ESRRG: variants seen among roughly 807,000 people sequenced by gnomAD.
ESRRG encodes the protein estrogen-related receptor gamma.
Under a neutral mutation model 44.0 loss-of-function variants are expected in ESRRG, and 13 were observed. The ratio of observed to expected loss-of-function variants is 0.30; its 90% CI spans 0.19 to 0.47. The LOEUF (loss-of-function observed/expected upper bound fraction) is 0.47, where lower values mean the gene tolerates loss of function less well. ESRRG is among the 20% of genes least tolerant of loss of function. ESRRG has a pLI of 1.00. For synonymous variants in ESRRG, 215 were observed against 214.6 expected (o/e 1.00, Z -0.02); for missense variants, 395 against 580.6 (o/e 0.68, Z 3.29).
chr1:216,952,053 C>T (rs1279243588), intron 1 of ESRRG, among the ~76,000 whole-genome samples: 1 of 152,054 alleles, frequency 6.6e-6, no homozygotes, highest in African/African-American at 2.4e-5. Flanking sequence ...ATCAGTAGAA[C>T]AGCTAGAGTG....
intron 2 of ESRRG, among the ~76,000 whole-genome samples, chr1:216,890,941 G>A (rs558589530): frequency 1.2e-4 from 19 of 152,082 alleles, no homozygotes; most frequent in South Asian, 1.0e-3. Flanking sequence ...CTGAACCTTC[G>A]AGTAATAACT....
intron 1 of ESRRG, among the ~76,000 whole-genome samples, chr1:217,055,388 C>T (rs953797274): frequency 3.9e-5 from 6 of 152,116 alleles, no homozygotes; most frequent in Non-Finnish European, 7.4e-5. Flanking sequence ...ACCTTATATA[C>T]AGAAACAGTC....
intron 2 of ESRRG, among the ~76,000 whole-genome samples, chr1:216,742,227 C>T (rs888426649): frequency 6.6e-6 from 1 of 152,100 alleles, no homozygotes; most frequent in African/African-American, 2.4e-5. Context: ...TAAAGGACAT[C>T]CATTTGTAAT....
rs143295504 is a variant in ESRRG at position 216,799,897 on chromosome 1, T to C, written c.-13-122406A>G. Among the ~76,000 whole-genome samples, 230 of 152,306 alleles carry C rather than the reference T, an allele frequency of 1.5e-3. 2 individuals are homozygous for C. In the East Asian group the frequency reaches 0.039, roughly 26 times the overall value. On this transcript the variant is annotated intron_variant, in intron 2 of 7. Transcript: ENST00000359162. ...GTCAGTAATTTGGGATTATCACTTA[T>C]GTAGCCTTAGAACCATGTAATGTTC...
intron 3 of ESRRG, among the ~76,000 whole-genome samples, chr1:216,585,591 A>G (rs2063606560): frequency 6.6e-6 from 1 of 152,184 alleles, no homozygotes; most frequent in African/African-American, 2.4e-5. Context: ...ACTTATTTTA[A>G]ACAATGTCAA....
chr1:216,621,489 T>C (rs569616293), intron 3 of ESRRG, among the ~76,000 whole-genome samples: 137 of 152,320 alleles, frequency 9.0e-4, no homozygotes, highest in African/African-American at 3.2e-3. Context: ...GTGTTGGGTA[T>C]GTGATGGTAA....
chr1:217,010,855 A>G (rs1266240048), intron 1 of ESRRG, among the ~76,000 whole-genome samples: 1 of 152,160 alleles, frequency 6.6e-6, no homozygotes, highest in East Asian at 1.9e-4. Context: ...ACGTAGGAAA[A>G]TTAAGAGGAT....
At chr1:217,095,720 G>A (rs998164014) in intron 1 of ESRRG, among the ~76,000 whole-genome samples, 1 of 152,222 alleles carries the variant, frequency 6.6e-6, no homozygotes, top group African/African-American at 2.4e-5. Flanking sequence ...AGATTCCACA[G>A]GTCTTGGGAA....
chr1:216,793,580 C>A (rs998697640), intron 2 of ESRRG, among the ~76,000 whole-genome samples: 4 of 152,184 alleles, frequency 2.6e-5, no homozygotes, highest in Non-Finnish European at 2.9e-5. Flanking sequence ...CCCTGCCCAA[C>A]ACCTTGAGTG....
intron 1 of ESRRG, among the ~76,000 whole-genome samples, chr1:217,133,651 CTT>C (rs2093003342): frequency 1.6e-5 from 1 of 61,212 alleles, no homozygotes; most frequent in Non-Finnish European, 3.3e-5. Context: ...CTCTCTCTTT[CTT>C]TCTTTCTTTC....
chr1:216,705,031 G>T (rs1242747704), intron 1 of ESRRG, among the ~76,000 whole-genome samples: 1 of 152,090 alleles, frequency 6.6e-6, no homozygotes, highest in African/African-American at 2.4e-5. Context: ...AAAATAGTAT[G>T]TTTAAACTTT....
chr1:216,515,639 T>C (rs886923572), intron 6 of ESRRG, among the ~76,000 whole-genome samples: 13 of 152,132 alleles, frequency 8.5e-5, no homozygotes, highest in Non-Finnish European at 1.3e-4. Flanking sequence ...CTGGAAATAA[T>C]GTGTAGAAGT....
chr1:216,616,118 T>C (rs79473277), intron 3 of ESRRG, among the ~76,000 whole-genome samples: 5,196 of 152,216 alleles, frequency 0.034, 310 homozygotes, highest in African/African-American at 0.12. Context: ...CCCAATGTGT[T>C]GGGATTATAC....
chr1:216,766,082 C>G (rs967187895), intron 2 of ESRRG, among the ~76,000 whole-genome samples: 1 of 152,054 alleles, frequency 6.6e-6, no homozygotes, highest in Admixed American at 6.6e-5. Context: ...GTGAACCTGT[C>G]GGGTTTTGAT....
intron 1 of ESRRG, among the ~76,000 whole-genome samples, chr1:217,051,878 T>C (rs2086114145): frequency 6.6e-6 from 1 of 152,088 alleles, no homozygotes; most frequent in South Asian, 2.1e-4. Flanking sequence ...TCCTCCCCCC[T>C]CAGCCTCCTG....
chr1:216,528,844 A>G (rs2048442553), intron 5 of ESRRG, among the ~76,000 whole-genome samples: 1 of 152,108 alleles, frequency 6.6e-6, no homozygotes, highest in Non-Finnish European at 1.5e-5. Context: ...TCCCCTTCTC[A>G]GTCCAGTTTA....
At chr1:216,945,256 T>C (rs1042032299) in intron 1 of ESRRG, among the ~76,000 whole-genome samples, 1 of 151,932 alleles carries the variant, frequency 6.6e-6, no homozygotes, top group Non-Finnish European at 1.5e-5. Flanking sequence ...AGGAGGGGAA[T>C]GTGGGAAGGA....
chr1:216,807,755 G>A (rs896038941), intron 2 of ESRRG, among the ~76,000 whole-genome samples: 1 of 152,034 alleles, frequency 6.6e-6, no homozygotes, highest in Non-Finnish European at 1.5e-5. Context: ...GGTCTTTACA[G>A]GGAGTAGATG....
At position 216,519,279 on chromosome 1, in the gene ESRRG, G is replaced by A. The variant is rs1211281450; in HGVS notation, c.1005C>T (p.Asp335=). Residue 335 remains aspartate (D), a synonymous_variant, in exon 6 of 7, where the codon GAC becomes GAT. Transcript: ENST00000408911. ...CAAGAAGGCCTGCTAATTTGGACTG[G>A]TCTTCGTCCATTATATAATCGTCTG... The part of the protein sequence containing the change: ...VYADDYIMDE[D]QSKLAGLLDL... The A allele has an allele frequency of 6.2e-7, 1 of 1,613,856 alleles. No individual in the cohort carries two copies. The highest frequency in any genetic ancestry group is 8.5e-7 in the Non-Finnish European group (1 of 1,179,864).
Sources: gnomAD v4.1 joint callset for allele counts (sites outside exome capture counted in the v4.1 genomes callset) on GRCh38, gnomAD v4.1.1 for gene constraint, MANE v1.5 for transcripts, NCBI Gene and HGNC (gene_info 2026-07-23, HGNC 2026-07-21) for gene names.